The following HIVEP3 variants were observed in gnomAD, a reference collection of about 807,000 sequenced individuals.
HIVEP3 encodes HIVEP zinc finger 3, also known as transcription factor HIVEP3.
A neutral mutation model predicts 152.8 loss-of-function variants in HIVEP3; 49 were observed. That is an observed-to-expected ratio of 0.32 (90% CI 0.26 to 0.41). The LOEUF is 0.41. Among genes scored for constraint, HIVEP3 ranks in the 10% least tolerant of loss-of-function variants. HIVEP3 has a pLI of 1.00. For missense variants in HIVEP3, 2,790 were observed against 3,103.3 expected (o/e 0.90, Z 2.40); for synonymous variants, 1,269 against 1,289.0 (o/e 0.98, Z 0.33).
chr1:41,851,289 C>CTTTTTTTTTTTTTTTTTTTTTTTTTTTTT (rs34180186), intron 1 of HIVEP3, among the ~76,000 whole-genome samples: 1 of 59,758 alleles, frequency 1.7e-5, no homozygotes, highest in African/African-American at 7.1e-5. Flanking sequence ...TCTTCTTCTT[C>CTTTTTTTTTTTTTTTTTTTTTTTTTTTTT]TTTTTTTTTT....
At chr1:41,809,201 A>G (rs1650804282) in intron 1 of HIVEP3, among the ~76,000 whole-genome samples, 1 of 152,214 alleles carries the variant, frequency 6.6e-6, no homozygotes, top group Admixed American at 6.5e-5. Context: ...CTATCCATGA[A>G]GGCACAGTTG....
Position 41,933,520 on chromosome 1 carries a change from T to C in HIVEP3, n.120-14996A>G, listed in dbSNP as rs556021000. Reference sequence around the variant, plus strand: ...TTGATTAGTGTTTGCACAGCATATCTTTTTCTATTCTATTACTTTTAACCT... The same window carrying C: ...TTGATTAGTGTTTGCACAGCATATCCTTTTCTATTCTATTACTTTTAACCT... On this transcript the variant is annotated intron_variant and non_coding_transcript_variant, in intron 1 of 3. Coordinates refer to the HIVEP3 transcript ENST00000489103. Among the ~76,000 whole-genome samples, 3 of 152,272 alleles carry C rather than the reference T, an allele frequency of 2.0e-5. No individual in the cohort carries two copies. In the South Asian group the frequency reaches 6.2e-4, roughly 32 times the overall value.
At chr1:41,986,503 CTA>C (rs1170440861) in intron 1 of HIVEP3, among the ~76,000 whole-genome samples, 1 of 147,456 alleles carries the variant, frequency 6.8e-6, no homozygotes. Flanking sequence ...TGCAGTGGCG[CTA>C]TGTCGGCTCA....
chr1:41,532,508 G>C (rs1326216534), intron 5 of HIVEP3, among the ~76,000 whole-genome samples: 1 of 152,134 alleles, frequency 6.6e-6, no homozygotes, highest in Non-Finnish European at 1.5e-5. Flanking sequence ...GAAATATAAA[G>C]TCTCTAAGAG....
At chr1:41,825,357 G>C (rs936962600) in intron 1 of HIVEP3, among the ~76,000 whole-genome samples, 1 of 152,052 alleles carries the variant, frequency 6.6e-6, no homozygotes, top group Non-Finnish European at 1.5e-5. Context: ...CACAAGGGCG[G>C]GGGAATGTCA....
At chr1:41,638,745 C>T (rs1645326230) in intron 2 of HIVEP3, among the ~76,000 whole-genome samples, 1 of 152,198 alleles carries the variant, frequency 6.6e-6, no homozygotes, top group South Asian at 2.1e-4. Context: ...CCTTGCTCTC[C>T]ACTCTCCACC....
intron 6 of HIVEP3, among the ~76,000 whole-genome samples, chr1:41,520,818 C>T (rs548285641): frequency 1.3e-5 from 2 of 152,342 alleles, no homozygotes; most frequent in South Asian, 4.1e-4. Context: ...CCCCGCCAGG[C>T]TGAGGTTCTC....
intron 1 of HIVEP3, chr1:41,869,643 T>C (rs1272849374): frequency 6.6e-6 from 1 of 152,186 alleles, no homozygotes; most frequent in Non-Finnish European, 1.5e-5. Flanking sequence ...ATAAAGTAAA[T>C]TTTTGAAAAA....
chr1:41,722,365 C>T (rs1646685832), intron 1 of HIVEP3, among the ~76,000 whole-genome samples: 1 of 151,908 alleles, frequency 6.6e-6, no homozygotes, highest in Admixed American at 6.5e-5. Flanking sequence ...AGGGCTGGCC[C>T]TGGCTGGACC....
chr1:41,784,235 AT>A (rs1649216936), intron 1 of HIVEP3, among the ~76,000 whole-genome samples: 2 of 152,252 alleles, frequency 1.3e-5, no homozygotes, highest in Admixed American at 1.3e-4. Context: ...GCTAGGCCAT[AT>A]TGTAAGGTTT....
chr1:41,886,122 A>G (rs1169814068), intron 1 of HIVEP3, among the ~76,000 whole-genome samples: 1 of 152,176 alleles, frequency 6.6e-6, no homozygotes, highest in Non-Finnish European at 1.5e-5. Flanking sequence ...TGTATCTTTC[A>G]ACTCTGATGT....
At chr1:41,543,854 C>T (rs991601738) in intron 5 of HIVEP3, 8 of 152,308 alleles carry the variant, frequency 5.3e-5, no homozygotes, top group South Asian at 2.1e-4. Context: ...GAAAGTTTTT[C>T]GTTGACTGGG....
chr1:41,529,671 CACA>C (rs1250016517), intron 5 of HIVEP3, among the ~76,000 whole-genome samples: 2 of 147,914 alleles, frequency 1.4e-5, no homozygotes, highest in African/African-American at 2.5e-5. Context: ...TACACACTCC[CACA>C]ACCACACTTG....
At chr1:41,787,409 A>T (rs1649412515) in intron 1 of HIVEP3, among the ~76,000 whole-genome samples, 1 of 152,192 alleles carries the variant, frequency 6.6e-6, no homozygotes, top group Non-Finnish European at 1.5e-5. Flanking sequence ...ACCATACTGG[A>T]CAATGCCGAT....
intron 1 of HIVEP3, among the ~76,000 whole-genome samples, chr1:41,833,974 C>A (rs1643043682): frequency 1.3e-5 from 2 of 152,136 alleles, no homozygotes; most frequent in Admixed American, 6.5e-5. Flanking sequence ...GTGACCCTAG[C>A]AAGGACCTCC....
At chr1:41,665,353 T>C (rs114272281) in intron 2 of HIVEP3, among the ~76,000 whole-genome samples, 1,638 of 152,272 alleles carry the variant, frequency 0.011, 27 homozygotes, top group African/African-American at 0.037. Flanking sequence ...TGCCAGTTCC[T>C]TCCTATCAGC....
At chr1:41,840,945 G>A (rs553649065) in intron 1 of HIVEP3, among the ~76,000 whole-genome samples, 5 of 152,348 alleles carry the variant, frequency 3.3e-5, no homozygotes, top group Admixed American at 6.5e-5. Flanking sequence ...TCCAGTCAGT[G>A]GTTAAACAGT....
At chr1:42,029,692 G>A (rs1645602381) in intron 1 of HIVEP3, among the ~76,000 whole-genome samples, 1 of 152,190 alleles carries the variant, frequency 6.6e-6, no homozygotes, top group Non-Finnish European at 1.5e-5. Context: ...GTTGTTGCTT[G>A]TGAACCTAGT....
At chr1:41,806,607 T>C (rs1650627477) in intron 1 of HIVEP3, among the ~76,000 whole-genome samples, 1 of 152,230 alleles carries the variant, frequency 6.6e-6, no homozygotes, top group Non-Finnish European at 1.5e-5. Flanking sequence ...ACCCGGCACA[T>C]GGCGAGGGCC....
Sources: allele counts gnomAD v4.1 joint callset (sites outside exome capture counted in the v4.1 genomes callset), GRCh38; gene constraint gnomAD v4.1.1; transcripts MANE v1.5; gene names NCBI Gene and HGNC (gene_info 2026-07-23, HGNC 2026-07-21).